The following PHACTR4 variants were observed in gnomAD, a reference collection of about 807,000 sequenced individuals.
PHACTR4 encodes the protein protein phosphatase 1, regulatory subunit 124.
In PHACTR4, 51 loss-of-function variants were observed where a neutral mutation model predicts 72.7. That is an observed-to-expected ratio of 0.70 (90% confidence interval 0.56 to 0.89). The LOEUF is 0.89. Among genes scored for constraint, PHACTR4 ranks in the 40% least tolerant of loss-of-function variants. The pLI is 0.00. For synonymous variants in PHACTR4, 255 were observed against 302.5 expected (o/e 0.84, Z 1.63); for missense variants, 731 against 861.8 (o/e 0.85, Z 1.90).
intron 4 of PHACTR4, among the ~76,000 whole-genome samples, chr1:28,463,933 T>C (rs1351214810): frequency 6.6e-6 from 1 of 152,096 alleles, no homozygotes; most frequent in African/African-American, 2.4e-5. Context: ...GGTCTTACTA[T>C]GTTTCGCAGG....
chr1:28,424,852 G>A (rs1569905719), intron 2 of PHACTR4, among the ~76,000 whole-genome samples: 1 of 151,368 alleles, frequency 6.6e-6, no homozygotes, highest in African/African-American at 2.4e-5. Context: ...GGAATGCAGT[G>A]GTGCAATCTA....
intron 9 of PHACTR4, among the ~76,000 whole-genome samples, chr1:28,487,378 A>G (rs1475301421): frequency 1.3e-5 from 2 of 151,740 alleles, no homozygotes; most frequent in Admixed American, 6.6e-5. Flanking sequence ...AAAAAATAAA[A>G]ATAAAATAAA....
At chr1:28,491,902 A>G in intron 12 of PHACTR4, 115 bp downstream of exon 12, 1 of 1,228,880 alleles carries the variant, frequency 8.1e-7, no homozygotes, top group East Asian at 2.7e-5. Flanking sequence ...GTTTTAATAT[A>G]ATATTAAATT....
chr1:28,391,692 G>C (rs1653055848), intron 1 of PHACTR4, among the ~76,000 whole-genome samples: 1 of 138,412 alleles, frequency 7.2e-6, no homozygotes, highest in African/African-American at 2.7e-5. Context: ...TGCAACCTCT[G>C]CCTCCCAGGT....
intron 1 of PHACTR4, among the ~76,000 whole-genome samples, chr1:28,403,276 A>C (rs1654067683): frequency 6.6e-6 from 1 of 152,088 alleles, no homozygotes; most frequent in Non-Finnish European, 1.5e-5. Context: ...GCCTTAGTGG[A>C]CCCCACGGGG....
intron 1 of PHACTR4, among the ~76,000 whole-genome samples, chr1:28,376,489 C>CTT (rs200449212): frequency 2.1e-5 from 3 of 143,488 alleles, no homozygotes; most frequent in African/African-American, 2.5e-5. Context: ...CTAATTTTTT[C>CTT]TTTTTTTTTT....
intron 8 of PHACTR4, among the ~76,000 whole-genome samples, chr1:28,479,328 G>A (rs1660120106): frequency 6.6e-6 from 1 of 151,522 alleles, no homozygotes; most frequent in Non-Finnish European, 1.5e-5. Flanking sequence ...GCTGAGGCAG[G>A]AGAATTGCTT....
intron 2 of PHACTR4, among the ~76,000 whole-genome samples, chr1:28,445,724 T>G (rs1457839813): frequency 6.6e-6 from 1 of 152,046 alleles, no homozygotes; most frequent in African/African-American, 2.4e-5. Context: ...ATCCCCCATC[T>G]CTACAAAAAA....
At chr1:28,433,361 T>C (rs531630909) in intron 2 of PHACTR4, among the ~76,000 whole-genome samples, 2 of 152,126 alleles carry the variant, frequency 1.3e-5, no homozygotes, top group African/African-American at 4.8e-5. Context: ...TAAATACTGA[T>C]TGTTAGAAGA....
chr1:28,462,699 T>G (rs966372551), intron 4 of PHACTR4, among the ~76,000 whole-genome samples: 2 of 152,076 alleles, frequency 1.3e-5, no homozygotes, highest in Non-Finnish European at 2.9e-5. Flanking sequence ...TAGCCCCTAA[T>G]CCAAGTTGTT....
intron 2 of PHACTR4, among the ~76,000 whole-genome samples, chr1:28,448,947 C>T (rs1569987802): frequency 6.7e-6 from 1 of 150,094 alleles, no homozygotes; most frequent in Non-Finnish European, 1.5e-5. Flanking sequence ...ACCAGGAGTT[C>T]GAGACCAGCC....
At chr1:28,396,845 CTTTTTTTTT>C (rs60578939) in intron 1 of PHACTR4, among the ~76,000 whole-genome samples, 1 of 119,666 alleles carries the variant, frequency 8.4e-6, no homozygotes, top group African/African-American at 3.3e-5. Context: ...TTCTTTCTTT[CTTTTTTTTT>C]TTTTTTTTTT....
chr1:28,439,162 G>A (rs943927421), intron 2 of PHACTR4, among the ~76,000 whole-genome samples: 1 of 151,944 alleles, frequency 6.6e-6, no homozygotes, highest in African/African-American at 2.4e-5. Flanking sequence ...TTAAAGGGTT[G>A]CTTAAGTATA....
At chr1:28,487,643 C>T (rs981198612) in intron 9 of PHACTR4, among the ~76,000 whole-genome samples, 3 of 148,910 alleles carry the variant, frequency 2.0e-5, no homozygotes, top group African/African-American at 7.4e-5. Flanking sequence ...CTAATTAGCC[C>T]AAATACTGTC....
chr1:28,455,862 G>C (rs755852791), intron 2 of PHACTR4, among the ~76,000 whole-genome samples: 6 of 152,164 alleles, frequency 3.9e-5, no homozygotes, highest in Non-Finnish European at 8.8e-5. Context: ...TCAGGGCCAG[G>C]TGTGGCTCTA....
intron 1 of PHACTR4, among the ~76,000 whole-genome samples, chr1:28,372,851 C>CA (rs545853028): frequency 0.014 from 1,162 of 83,908 alleles, 5 homozygotes; most frequent in Middle Eastern, 0.045. Flanking sequence ...GACTCAGTCT[C>CA]AAAAAAAAAA....
chr1:28,394,144 G>A (rs893218789), intron 1 of PHACTR4, among the ~76,000 whole-genome samples: 2 of 151,968 alleles, frequency 1.3e-5, no homozygotes, highest in African/African-American at 4.8e-5. Flanking sequence ...CTTTCAAGAA[G>A]TCAAGATGTA....
At position 28,466,910 on chromosome 1, in the gene PHACTR4, A is replaced by G. The variant is rs563867292; in HGVS notation, c.823+142A>G. 7.8e-6 allele frequency: 10 copies of G among 1,286,666 alleles called. No individual in the cohort carries two copies. In the East Asian group the frequency reaches 2.1e-4, roughly 27 times the overall value. 79.7% of individuals were successfully genotyped at this position (1,286,666 alleles called of 1,614,324 possible). A position where few individuals can be genotyped will look rare whatever the true frequency, so the allele number is the denominator to read the frequency against. ...CTTTGAATGACCTCAATATGGAGAA[A>G]AGTCTTAGGTTAAGAAAAAATAGGC... is the stretch of plus-strand genomic sequence containing the variant. On this transcript the variant is annotated intron_variant, in intron 6 of 13. Coordinates refer to ENST00000373839, the MANE Select transcript of PHACTR4 (RefSeq NM_001048183.3).
At chr1:28,470,418 A>G (rs1659488286) in intron 6 of PHACTR4, among the ~76,000 whole-genome samples, 1 of 151,918 alleles carries the variant, frequency 6.6e-6, no homozygotes, top group South Asian at 2.1e-4. Flanking sequence ...GGCTAGGTAC[A>G]GTGGCTCACA....
Sources: gnomAD v4.1 joint callset for allele counts (sites outside exome capture counted in the v4.1 genomes callset) on GRCh38, gnomAD v4.1.1 for gene constraint, MANE v1.5 for transcripts, NCBI Gene and HGNC (gene_info 2026-07-23, HGNC 2026-07-21) for gene names.